The following NEGR1 variants were observed in gnomAD, a reference collection of about 807,000 sequenced individuals.
The protein encoded by NEGR1 is IgLON family member 4.
In NEGR1, 10 loss-of-function variants were observed where a neutral mutation model predicts 40.9. That is an observed-to-expected ratio of 0.24 (90% CI 0.15 to 0.42). The LOEUF is 0.42. Ranked by LOEUF, NEGR1 falls within the 10% of genes least tolerant of loss-of-function variation. The pLI, the probability that NEGR1 is intolerant of heterozygous loss-of-function variation, is 1.00. For synonymous variants in NEGR1, 185 were observed against 166.8 expected (o/e 1.11, Z -0.84); for missense variants, 352 against 438.9 (o/e 0.80, Z 1.77).
intron 4 of NEGR1, 82 bp from the exon 5 acceptor site, chr1:71,611,228 T>C: frequency 7.6e-7 from 1 of 1,310,084 alleles, no homozygotes; most frequent in South Asian, 1.3e-5. Context: ...TATATTTTTA[T>C]TCCTTCTATA....
chr1:71,699,547 A>G (rs532238505), intron 3 of NEGR1, among the ~76,000 whole-genome samples: 1 of 152,040 alleles, frequency 6.6e-6, no homozygotes, highest in East Asian at 1.9e-4. Context: ...CTACTGAAAT[A>G]TATATTAAAA....
At chr1:72,002,699 C>A (rs1161209661) in intron 1 of NEGR1, among the ~76,000 whole-genome samples, 1 of 152,070 alleles carries the variant, frequency 6.6e-6, no homozygotes, top group Non-Finnish European at 1.5e-5. Context: ...ATTTACTATT[C>A]GTATTACTAA....
intron 2 of NEGR1, among the ~76,000 whole-genome samples, chr1:71,902,951 A>G (rs939041529): frequency 6.6e-6 from 1 of 152,018 alleles, no homozygotes; most frequent in African/African-American, 2.4e-5. Context: ...ATGTTATTAT[A>G]ATTGAAAAAA....
At chr1:71,568,203 C>A (rs1384494163) in intron 6 of NEGR1, among the ~76,000 whole-genome samples, 1 of 152,142 alleles carries the variant, frequency 6.6e-6, no homozygotes, top group African/African-American at 2.4e-5. Flanking sequence ...ATTTTATTAA[C>A]CCCTCTATGA....
chr1:71,664,665 T>G (rs1177870446), intron 4 of NEGR1, among the ~76,000 whole-genome samples: 9 of 152,082 alleles, frequency 5.9e-5, no homozygotes, highest in Admixed American at 5.9e-4. Flanking sequence ...TTATGAAAAT[T>G]CATCAGTTTC....
At chr1:71,523,035 G>A (rs1647171743) in intron 6 of NEGR1, among the ~76,000 whole-genome samples, 1 of 151,928 alleles carries the variant, frequency 6.6e-6, no homozygotes, top group Non-Finnish European at 1.5e-5. Flanking sequence ...AAGATGTCAT[G>A]TTTTGTTGTT....
In NEGR1 at chr1:71,736,906, T is replaced by C. The variant is rs914107847; in HGVS notation, c.536-38767A>G. ...AATTCTATTCCAACCAAACTAAAAA[T>C]GCCAACTGGTATTTAACATCATGAA... On this transcript the variant is annotated intron_variant, in intron 3 of 6. Coordinates refer to ENST00000357731, the MANE Select transcript of NEGR1 (RefSeq NM_173808.3). Among the ~76,000 whole-genome samples, 3 of 152,306 alleles carry C rather than the reference T, an allele frequency of 2.0e-5. No individual in the cohort carries two copies. The South Asian group carries it at 6.2e-4, about 32-fold the overall frequency.
At chr1:71,443,729 G>C (rs530281379) in intron 6 of NEGR1, among the ~76,000 whole-genome samples, 3 of 152,232 alleles carry the variant, frequency 2.0e-5, no homozygotes, top group African/African-American at 7.2e-5. Flanking sequence ...TTTGCCTAAT[G>C]TTAACAGCTT....
chr1:72,197,238 T>C (rs1206231367), intron 1 of NEGR1, among the ~76,000 whole-genome samples: 1 of 152,012 alleles, frequency 6.6e-6, no homozygotes, highest in African/African-American at 2.4e-5. Flanking sequence ...TGACCAACTA[T>C]TAGAAAATCA....
intron 6 of NEGR1, among the ~76,000 whole-genome samples, chr1:71,471,938 T>C (rs1299067574): frequency 6.6e-6 from 1 of 152,062 alleles, no homozygotes; most frequent in Non-Finnish European, 1.5e-5. Flanking sequence ...GTCTTTCTTA[T>C]CTTATTCTCT....
At chr1:72,165,916 A>T (rs1215617305) in intron 1 of NEGR1, among the ~76,000 whole-genome samples, 3 of 152,030 alleles carry the variant, frequency 2.0e-5, no homozygotes, top group African/African-American at 7.2e-5. Context: ...ATGAATGAAT[A>T]TGTTATATTT....
At chr1:71,531,401 G>A (rs1330817208) in intron 6 of NEGR1, among the ~76,000 whole-genome samples, 2 of 151,184 alleles carry the variant, frequency 1.3e-5, no homozygotes, top group Non-Finnish European at 3.0e-5. Context: ...CAACCCATCA[G>A]GTGACATAGC....
intron 6 of NEGR1, among the ~76,000 whole-genome samples, chr1:71,470,138 T>C (rs887351553): frequency 1.3e-5 from 2 of 152,098 alleles, no homozygotes; most frequent in African/African-American, 4.8e-5. Context: ...ACATTAGATG[T>C]TAGTGTTCTT....
At chr1:71,946,576 G>A (rs1033769382) in intron 1 of NEGR1, among the ~76,000 whole-genome samples, 2 of 151,942 alleles carry the variant, frequency 1.3e-5, no homozygotes, top group South Asian at 2.1e-4. Context: ...TAAACGCTAC[G>A]TTGCTTTTTC....
chr1:72,014,676 A>G (rs933595091), intron 1 of NEGR1, among the ~76,000 whole-genome samples: 9 of 152,062 alleles, frequency 5.9e-5, no homozygotes, highest in African/African-American at 2.2e-4. Context: ...GTTAAATAAC[A>G]CATTCAAATA....
intron 1 of NEGR1, among the ~76,000 whole-genome samples, chr1:72,242,092 T>C (rs1448437547): frequency 1.3e-5 from 2 of 151,766 alleles, no homozygotes; most frequent in Non-Finnish European, 3.0e-5. Context: ...AATACATTAA[T>C]GGTGAAATTA....
At chr1:71,568,829 C>CGTGT (rs35692576) in intron 6 of NEGR1, among the ~76,000 whole-genome samples, 3,079 of 147,494 alleles carry the variant, frequency 0.021, 90 homozygotes, top group East Asian at 0.14. Context: ...TATATGTATA[C>CGTGT]GTGTGTGTGT....
chr1:71,759,596 C>CTTATTTT (rs1655866765), intron 3 of NEGR1, among the ~76,000 whole-genome samples: 1 of 31,950 alleles, frequency 3.1e-5, no homozygotes, highest in East Asian at 1.1e-3. Context: ...TGCGTCCAGG[C>CTTATTTT]TTTTTTTTTT....
chr1:71,842,707 T>C (rs2101803844), intron 2 of NEGR1, among the ~76,000 whole-genome samples: 1 of 152,190 alleles, frequency 6.6e-6, no homozygotes, highest in East Asian at 1.9e-4. Flanking sequence ...TGGGCAGTGA[T>C]TTCCTCTATT....
Sources: gnomAD v4.1 joint callset for allele counts (sites outside exome capture counted in the v4.1 genomes callset) on GRCh38, gnomAD v4.1.1 for gene constraint, MANE v1.5 for transcripts, NCBI Gene and HGNC (gene_info 2026-07-23, HGNC 2026-07-21) for gene names.